The following VRK1 variants were observed in gnomAD, a reference collection of about 807,000 sequenced individuals.
VRK1 encodes the protein VRK serine/threonine kinase 1.
In VRK1, 33 loss-of-function variants were observed where a neutral mutation model predicts 57.1. The observed-to-expected ratio is 0.58, with a 90% CI of 0.44 to 0.77. The LOEUF (loss-of-function observed/expected upper bound fraction) is 0.77, where lower values mean the gene tolerates loss of function less well. VRK1 is among the 30% of genes least tolerant of loss of function. The pLI is 0.00. For synonymous variants in VRK1, 137 were observed against 147.8 expected (o/e 0.93, Z 0.53); for missense variants, 413 against 477.3 (o/e 0.87, Z 1.25).
intron 1 of VRK1, among the ~76,000 whole-genome samples, chr14:96,817,748 T>G (rs562996945): frequency 1.3e-5 from 2 of 152,210 alleles, no homozygotes; most frequent in Admixed American, 6.5e-5. Flanking sequence ...AGAAATCTAT[T>G]TACCAGATTT....
intron 7 of VRK1, among the ~76,000 whole-genome samples, chr14:96,853,898 G>A (rs1888047734): frequency 6.6e-6 from 1 of 151,916 alleles, no homozygotes; most frequent in Non-Finnish European, 1.5e-5. Flanking sequence ...AAATGTGTTT[G>A]GGTACTTTGA....
chr14:96,879,936 A>G (rs1273888122), intron 12 of VRK1, among the ~76,000 whole-genome samples: 1 of 148,222 alleles, frequency 6.7e-6, no homozygotes, highest in Non-Finnish European at 1.5e-5. Context: ...CAAAAAAAAA[A>G]ATAATAATAA....
At chr14:96,834,570 C>G (rs1254559223) in intron 2 of VRK1, among the ~76,000 whole-genome samples, 1 of 152,122 alleles carries the variant, frequency 6.6e-6, no homozygotes, top group Non-Finnish European at 1.5e-5. Context: ...AAGAGGAGTC[C>G]CACTTCACCT....
At chr14:96,813,485 G>C (rs1185625180) in intron 1 of VRK1, among the ~76,000 whole-genome samples, 1 of 151,748 alleles carries the variant, frequency 6.6e-6, no homozygotes, top group Non-Finnish European at 1.5e-5. Flanking sequence ...ATTCTTCAGT[G>C]GCGTATACAT....
chr14:96,801,386 A>G (rs1232808811), intron 1 of VRK1, among the ~76,000 whole-genome samples: 1 of 151,618 alleles, frequency 6.6e-6, no homozygotes, highest in Non-Finnish European at 1.5e-5. Context: ...TAAGTGTTAG[A>G]AAGAACTATT....
chr14:96,813,274 A>C (rs1460497528), intron 1 of VRK1, among the ~76,000 whole-genome samples: 1 of 152,186 alleles, frequency 6.6e-6, no homozygotes, highest in South Asian at 2.1e-4. Context: ...TTTCTTTTGC[A>C]TATAGGCAGA....
chr14:96,856,331 A>G, intron 9 of VRK1, 81 bp downstream of exon 9: 1 of 1,521,124 alleles, frequency 6.6e-7, no homozygotes, highest in Non-Finnish European at 9.0e-7. Context: ...TAGGAACTAT[A>G]GTTTCAACTG....
chr14:96,813,569 CAG>C (rs913423873), intron 1 of VRK1, among the ~76,000 whole-genome samples: 2 of 151,832 alleles, frequency 1.3e-5, no homozygotes, highest in African/African-American at 4.8e-5. Flanking sequence ...TTATTTACAT[CAG>C]TGATTTATTT....
chr14:96,872,359 A>G (rs914644017), intron 11 of VRK1, among the ~76,000 whole-genome samples: 1 of 152,210 alleles, frequency 6.6e-6, no homozygotes, highest in Admixed American at 6.5e-5. Context: ...GCACATCTGT[A>G]TATGTGCAAA....
At chr14:96,814,549 A>T (rs1886321756) in intron 1 of VRK1, among the ~76,000 whole-genome samples, 1 of 152,232 alleles carries the variant, frequency 6.6e-6, no homozygotes. Context: ...TAGACAATAT[A>T]AAAGAGCAAA....
At chr14:96,877,382 T>A in intron 12 of VRK1, 1 of 608,726 alleles carries the variant, frequency 1.6e-6, no homozygotes, top group South Asian at 1.6e-5. Flanking sequence ...AGAGGGAATA[T>A]ATAACTTCAC....
intron 5 of VRK1, among the ~76,000 whole-genome samples, chr14:96,850,460 G>T (rs1252772122): frequency 6.6e-6 from 1 of 152,188 alleles, no homozygotes; most frequent in Non-Finnish European, 1.5e-5. Context: ...CTCAATGGTA[G>T]AGCCGTCTTT....
intron 5 of VRK1, 87 bp downstream of exon 5, chr14:96,847,431 C>A: frequency 9.5e-7 from 1 of 1,048,592 alleles, no homozygotes; most frequent in South Asian, 1.3e-5. Context: ...TTACTGATCA[C>A]TTACAATATT....
intron 11 of VRK1, among the ~76,000 whole-genome samples, chr14:96,867,880 C>T (rs552688263): frequency 1.3e-5 from 2 of 152,068 alleles, no homozygotes; most frequent in Admixed American, 6.6e-5. Flanking sequence ...CTCTTAAATC[C>T]TTTGAGAATA....
rs1023940597 is a variant in VRK1 at position 96,861,578 on chromosome 14, G to A, written c.1068+843G>A. On this transcript the variant is annotated intron_variant, in intron 11 of 12. Coordinates refer to ENST00000216639, the MANE Select transcript of VRK1 (RefSeq NM_003384.3). ...CTCGTATTCCAAACTGAGAAAAAGC[G>A]TTAAAACAAATTTTTCTCTCTTTAA... 3.9e-5 allele frequency among the ~76,000 whole-genome samples: 6 copies of A among 152,088 alleles called. No individual in the cohort carries two copies. In the South Asian group the frequency reaches 6.2e-4, roughly 16 times the overall value.
chr14:96,813,691 A>C (rs1886289848), intron 1 of VRK1, among the ~76,000 whole-genome samples: 1 of 152,058 alleles, frequency 6.6e-6, no homozygotes, highest in East Asian at 1.9e-4. Flanking sequence ...TTTAGGTTTG[A>C]TCTTTTATAC....
chr14:96,850,242 A>G (rs74416899), intron 5 of VRK1, among the ~76,000 whole-genome samples: 9,723 of 152,274 alleles, frequency 0.064, 348 homozygotes, highest in South Asian at 0.12. Flanking sequence ...GCCCCCTTCC[A>G]TGCCAGACAT....
At chr14:96,869,059 C>T (rs1888705236) in intron 11 of VRK1, among the ~76,000 whole-genome samples, 1 of 152,160 alleles carries the variant, frequency 6.6e-6, no homozygotes, top group Admixed American at 6.5e-5. Context: ...TACCTAAGTG[C>T]TGGGATTACA....
intron 1 of VRK1, among the ~76,000 whole-genome samples, chr14:96,808,006 T>TCTCCGTCTCTCTCC (rs1566683545): frequency 5.1e-5 from 6 of 117,014 alleles, no homozygotes; most frequent in African/African-American, 2.1e-4. Flanking sequence ...TCTCTCCCTC[T>TCTCCGTCTCTCTCC]CTCTCTCCCT....
Sources: gnomAD v4.1 joint callset for allele counts (sites outside exome capture counted in the v4.1 genomes callset) on GRCh38, gnomAD v4.1.1 for gene constraint, MANE v1.5 for transcripts, NCBI Gene and HGNC (gene_info 2026-07-23, HGNC 2026-07-21) for gene names.